Variants in TMEM276 observed in about 807,000 individuals in gnomAD.
TMEM276 encodes transmembrane protein 276.
the TMEM276 span, chr8:144,465,127 G>A: frequency 9.0e-6 from 13 of 1,439,586 alleles, no homozygotes; most frequent in Non-Finnish European, 1.2e-5. Context: ...ATTCAGCCGG[G>A]AAACGGGGGA....
the TMEM276 span, chr8:144,463,927 G>A: frequency 2.8e-6 from 4 of 1,445,136 alleles, no homozygotes; most frequent in Non-Finnish European, 3.6e-6. Context: ...CTGGGACCCT[G>A]TCCCTTTCAT....
At chr8:144,464,149 G>A in the TMEM276 span, 1 of 1,612,076 alleles carries the variant, frequency 6.2e-7, no homozygotes, top group Non-Finnish European at 8.5e-7. Flanking sequence ...GAGGCGCTGT[G>A]TATGCAGGGC....
the TMEM276 span, chr8:144,465,464 G>T: frequency 1.3e-5 from 13 of 995,516 alleles, no homozygotes; most frequent in Non-Finnish European, 1.6e-5. Flanking sequence ...GCGGGAGCGA[G>T]CGCGGTCGGG....
chr8:144,464,778 A>C, the TMEM276 span: 1 of 1,610,546 alleles, frequency 6.2e-7, no homozygotes, highest in Non-Finnish European at 8.5e-7. Flanking sequence ...AGGTATGGGG[A>C]TGCGCCCCTG....
chr8:144,466,408 C>G, the TMEM276 span: 2 of 1,257,334 alleles, frequency 1.6e-6, no homozygotes, highest in Non-Finnish European at 1.0e-6. Flanking sequence ...CCCTCTGCCG[C>G]CCCGCGCTCC....
At chr8:144,466,554 G>A in the TMEM276 span, 5 of 1,088,440 alleles carry the variant, frequency 4.6e-6, no homozygotes, top group African/African-American at 6.7e-5. Context: ...GTCGTCTCCC[G>A]CCGCCTGCCC....
chr8:144,465,275 G>A, the TMEM276 span: 2 of 1,113,046 alleles, frequency 1.8e-6, no homozygotes, highest in Admixed American at 3.9e-5. Flanking sequence ...CCTGCGTTCC[G>A]GGAGGCGTTG....
At chr8:144,466,007 CTGGGCGGGGCTGAGA>C in the TMEM276 span, 78,865 of 82,634 alleles carry the variant, frequency 0.95, 37,572 homozygotes, top group Middle Eastern at 1. Flanking sequence ...GAGGGGGGGT[CTGGGCGGGGCTGAGA>C]TGGGCGGGGC....
chr8:144,465,119 T>C, the TMEM276 span: 3 of 1,419,166 alleles, frequency 2.1e-6, no homozygotes, highest in Non-Finnish European at 9.3e-7. Context: ...AGAACCTAAT[T>C]CAGCCGGGAA....
chr8:144,465,262 C>T, the TMEM276 span: 1 of 1,123,850 alleles, frequency 8.9e-7, no homozygotes, highest in Non-Finnish European at 1.1e-6. Flanking sequence ...CCTCGGCCTG[C>T]TCCCTGCGTT....
the TMEM276 span, chr8:144,466,925 C>T: frequency 6.3e-7 from 1 of 1,576,154 alleles, no homozygotes; most frequent in South Asian, 1.1e-5. Context: ...GCACGTGACC[C>T]GAAATGTCTC....
At chr8:144,467,002 C>T in the TMEM276 span, 1,568,275 of 1,595,364 alleles carry the variant, frequency 0.98, 772,730 homozygotes, top group Non-Finnish European at 1. Context: ...CAGCCGAGGG[C>T]CGCGCGGCCG....
the TMEM276 span, chr8:144,466,630 A>T: frequency 1.1e-6 from 1 of 886,978 alleles, no homozygotes; most frequent in Non-Finnish European, 1.5e-6. Context: ...GGCCGTGCCG[A>T]GGACCCTCGG....
the TMEM276 span, chr8:144,466,412 G>T: frequency 6.3e-6 from 8 of 1,274,052 alleles, no homozygotes; most frequent in African/African-American, 1.6e-5. Flanking sequence ...CTGCCGCCCC[G>T]CGCTCCCATG....
At chr8:144,464,770 G>A in the TMEM276 span, 1 of 1,609,754 alleles carries the variant, frequency 6.2e-7, no homozygotes, top group East Asian at 2.2e-5. Flanking sequence ...GGTTTGGGAG[G>A]TATGGGGATG....
the TMEM276 span, chr8:144,466,643 C>A: frequency 2.0e-6 from 2 of 990,862 alleles, no homozygotes; most frequent in Non-Finnish European, 2.7e-6. Flanking sequence ...ACCCTCGGCT[C>A]GGCCCCGATG....
At chr8:144,466,208 C>A in the TMEM276 span, 1 of 181,730 alleles carries the variant, frequency 5.5e-6, no homozygotes. Flanking sequence ...GCGCGCCGGG[C>A]GGCGCCGTGA....
the TMEM276 span, chr8:144,466,647 C>T: frequency 2.4e-5 from 25 of 1,023,406 alleles, no homozygotes; most frequent in Non-Finnish European, 3.3e-5. Context: ...TCGGCTCGGC[C>T]CCGATGCTGG....
At chr8:144,466,431 T>C in the TMEM276 span, 1 of 1,341,774 alleles carries the variant, frequency 7.5e-7, no homozygotes, top group Non-Finnish European at 9.7e-7. Context: ...TGTACGCCTT[T>C]TACTCGTTGC....
Sources: allele counts gnomAD v4.1 joint callset, GRCh38; gene constraint gnomAD v4.1.1; transcripts MANE v1.5; gene names NCBI Gene and HGNC (gene_info 2026-07-23, HGNC 2026-07-21).